Variants in KCNQ5 observed in about 807,000 individuals in gnomAD.
KCNQ5 encodes potassium voltage-gated channel subfamily KQT member 5.
Under a neutral mutation model 98.2 loss-of-function variants are expected in KCNQ5, and 30 were observed. That is an observed-to-expected ratio of 0.31 (90% confidence interval 0.23 to 0.41). The LOEUF (loss-of-function observed/expected upper bound fraction) is 0.41. Ranked by LOEUF, KCNQ5 falls within the 10% of genes least tolerant of loss-of-function variation. The pLI is 1.00. For missense variants in KCNQ5, 835 were observed against 1,182.5 expected (o/e 0.71, Z 4.31); for synonymous variants, 458 against 449.4 (o/e 1.02, Z -0.24).
At chr6:72,884,987 C>T (rs1778796463) in intron 1 of KCNQ5, among the ~76,000 whole-genome samples, 1 of 152,104 alleles carries the variant, frequency 6.6e-6, no homozygotes, top group African/African-American at 2.4e-5. Flanking sequence ...TCCACTCTTC[C>T]TACACACAAG....
chr6:72,830,965 C>A (rs1200844137), intron 1 of KCNQ5, among the ~76,000 whole-genome samples: 1 of 152,118 alleles, frequency 6.6e-6, no homozygotes, highest in African/African-American at 2.4e-5. Flanking sequence ...ATGCAGCCAA[C>A]AGACACATGA....
chr6:72,819,250 T>A (rs1775642835), intron 1 of KCNQ5, among the ~76,000 whole-genome samples: 1 of 152,164 alleles, frequency 6.6e-6, no homozygotes, highest in South Asian at 2.1e-4. Context: ...GATAAGCACA[T>A]CATGGAGAAT....
At chr6:72,779,641 T>C (rs1773351280) in intron 1 of KCNQ5, among the ~76,000 whole-genome samples, 1 of 152,000 alleles carries the variant, frequency 6.6e-6, no homozygotes, top group Non-Finnish European at 1.5e-5. Context: ...GAGGGTTCTT[T>C]TGGCATTTTG....
At chr6:72,810,515 T>A (rs1424184543) in intron 1 of KCNQ5, among the ~76,000 whole-genome samples, 1 of 152,194 alleles carries the variant, frequency 6.6e-6, no homozygotes, top group Non-Finnish European at 1.5e-5. Context: ...ATTGTCAGAG[T>A]AATGACAGTA....
intron 1 of KCNQ5, among the ~76,000 whole-genome samples, chr6:72,777,391 C>T (rs572312119): frequency 1.3e-4 from 20 of 151,906 alleles, no homozygotes; most frequent in Non-Finnish European, 1.8e-4. Context: ...AAATGATTTG[C>T]GATTAGTTGG....
chr6:72,797,502 CA>C (rs543983897), intron 1 of KCNQ5, among the ~76,000 whole-genome samples: 22,264 of 87,304 alleles, frequency 0.26, 2,329 homozygotes, highest in African/African-American at 0.44. Context: ...AAGACCCTGC[CA>C]AAAAAAAAAA....
chr6:73,035,066 C>T (rs564868961), intron 2 of KCNQ5, among the ~76,000 whole-genome samples: 19 of 152,076 alleles, frequency 1.2e-4, no homozygotes, highest in African/African-American at 4.3e-4. Context: ...AGGATGGTCT[C>T]GATCTCCTGA....
intron 10 of KCNQ5, among the ~76,000 whole-genome samples, chr6:73,150,279 G>C (rs1468309490): frequency 6.6e-6 from 1 of 151,636 alleles, no homozygotes; most frequent in African/African-American, 2.4e-5. Flanking sequence ...CAGTTTAGTA[G>C]TTTCTTAAAA....
At chr6:72,635,033 C>T (rs1259537593) in intron 1 of KCNQ5, among the ~76,000 whole-genome samples, 4 of 149,740 alleles carry the variant, frequency 2.7e-5, no homozygotes, top group Non-Finnish European at 6.0e-5. Context: ...TTCCCCTCAC[C>T]CTTTTTTTTT....
At chr6:72,756,351 C>T (rs1308325108) in intron 1 of KCNQ5, among the ~76,000 whole-genome samples, 3 of 152,162 alleles carry the variant, frequency 2.0e-5, no homozygotes, top group Non-Finnish European at 4.4e-5. Flanking sequence ...TATCTCTCTA[C>T]AACATTTACC....
At chr6:72,628,056 C>T (rs767239947) in intron 1 of KCNQ5, among the ~76,000 whole-genome samples, 2 of 152,174 alleles carry the variant, frequency 1.3e-5, no homozygotes, top group African/African-American at 2.4e-5. Flanking sequence ...AGCAAGCTTC[C>T]ATACAGTGAA....
chr6:72,708,714 G>T (rs898555764), intron 1 of KCNQ5, among the ~76,000 whole-genome samples: 12 of 152,058 alleles, frequency 7.9e-5, no homozygotes, highest in Admixed American at 2.0e-4. Flanking sequence ...TAGAGACGGT[G>T]TCTGGCCATG....
At chr6:72,824,978 G>T (rs567457635) in intron 1 of KCNQ5, among the ~76,000 whole-genome samples, 2 of 152,068 alleles carry the variant, frequency 1.3e-5, no homozygotes, top group East Asian at 1.9e-4. Flanking sequence ...ACAACCCAGA[G>T]AAGTGGGCAG....
chr6:73,092,394 G>A (rs1774291409), intron 5 of KCNQ5, among the ~76,000 whole-genome samples: 1 of 152,004 alleles, frequency 6.6e-6, no homozygotes, highest in African/African-American at 2.4e-5. Flanking sequence ...TGATTGCTCT[G>A]GCAAGGACTT....
intron 5 of KCNQ5, among the ~76,000 whole-genome samples, chr6:73,097,979 A>C (rs1231622837): frequency 6.6e-6 from 1 of 152,178 alleles, no homozygotes; most frequent in Non-Finnish European, 1.5e-5. Flanking sequence ...ACACTGACAA[A>C]CACCACAACC....
At chr6:72,867,254 T>C (rs760632706) in intron 1 of KCNQ5, among the ~76,000 whole-genome samples, 2 of 152,226 alleles carry the variant, frequency 1.3e-5, no homozygotes, top group African/African-American at 2.4e-5. Flanking sequence ...TATACTCCTC[T>C]TTAAAAAAGT....
intron 10 of KCNQ5, among the ~76,000 whole-genome samples, chr6:73,145,054 T>A (rs1052804095): frequency 1.3e-5 from 2 of 152,218 alleles, no homozygotes; most frequent in African/African-American, 4.8e-5. Context: ...TAAAGCTTAT[T>A]TGCTTTTAGT....
At chr6:72,947,707 A>G (rs1233593484) in intron 1 of KCNQ5, among the ~76,000 whole-genome samples, 2 of 152,174 alleles carry the variant, frequency 1.3e-5, no homozygotes, top group African/African-American at 4.8e-5. Flanking sequence ...GCATGTATCT[A>G]TATCTCTCAG....
chr6:72,775,176 C>T (rs535416805), intron 1 of KCNQ5, among the ~76,000 whole-genome samples: 72 of 152,240 alleles, frequency 4.7e-4, no homozygotes, highest in Non-Finnish European at 7.9e-4. Context: ...GATATATTTA[C>T]ATAATATGCA....
Sources: allele counts gnomAD v4.1 joint callset (sites outside exome capture counted in the v4.1 genomes callset), GRCh38; gene constraint gnomAD v4.1.1; transcripts MANE v1.5; gene names NCBI Gene and HGNC (gene_info 2026-07-23, HGNC 2026-07-21).